The following DLGAP2 variants were observed in gnomAD, a reference collection of about 807,000 sequenced individuals.
DLGAP2 encodes the protein disks large-associated protein 2.
Under a neutral mutation model 100.3 loss-of-function variants are expected in DLGAP2, and 26 were observed. The observed-to-expected ratio is 0.26, with a 90% confidence interval of 0.19 to 0.36. The LOEUF is 0.36. Ranked by LOEUF, DLGAP2 falls within the 10% of genes least tolerant of loss-of-function variation. The pLI is 1.00. For missense variants in DLGAP2, 1,858 were observed against 1,453.2 expected (o/e 1.28, Z -4.53); for synonymous variants, 886 against 630.1 (o/e 1.41, Z -6.08).
chr8:1,556,837 G>A (rs1449156662), intron 5 of DLGAP2, among the ~76,000 whole-genome samples: 2 of 152,208 alleles, frequency 1.3e-5, no homozygotes, highest in African/African-American at 4.8e-5. Context: ...TTGTTGTAGG[G>A]ACACCAGGGT....
chr8:1,237,005 T>G (rs1278250887), intron 2 of DLGAP2, among the ~76,000 whole-genome samples: 1 of 149,896 alleles, frequency 6.7e-6, no homozygotes, highest in Non-Finnish European at 1.5e-5. Flanking sequence ...CATAGCGTCA[T>G]GTCTAGTTCT....
intron 1 of DLGAP2, among the ~76,000 whole-genome samples, chr8:887,340 GTC>G (rs1219524137): frequency 6.6e-6 from 1 of 152,126 alleles, no homozygotes; most frequent in African/African-American, 2.4e-5. Context: ...GCCAGTCTGT[GTC>G]TGTTAATTGG....
intron 2 of DLGAP2, among the ~76,000 whole-genome samples, chr8:1,193,034 G>GCA (rs1797673328): frequency 6.6e-6 from 1 of 152,072 alleles, no homozygotes; most frequent in Non-Finnish European, 1.5e-5. Flanking sequence ...AGTATTCCAT[G>GCA]GTGTATATGT....
chr8:1,431,549 G>A (rs7839262), intron 3 of DLGAP2, among the ~76,000 whole-genome samples: 32,351 of 152,184 alleles, frequency 0.21, 3,853 homozygotes, highest in Middle Eastern at 0.29. Flanking sequence ...CTCAGCAGCC[G>A]TTCATGCACG....
chr8:837,201 G>T (rs189319298), intron 1 of DLGAP2, among the ~76,000 whole-genome samples: 1 of 152,294 alleles, frequency 6.6e-6, no homozygotes, highest in African/African-American at 2.4e-5. Context: ...TCGGGATCTC[G>T]CGGGCCGTGT....
chr8:1,632,838 G>A lies in DLGAP2; in HGVS notation c.1602G>A (p.Ala534=), dbSNP rs527705861. 10 of 1,609,760 alleles carry A rather than the reference G, an allele frequency of 6.2e-6. No homozygotes were observed. Among genetic ancestry groups the A allele is most frequent in the African/African-American group, 2.7e-5 (2 of 74,886 alleles). ...GTTGATGATTGCAGGTGAGCGAGGC[G>A]GAGATCAATGGGCAATTCGAGTCCG... is the stretch of plus-strand genomic sequence containing the variant. The part of the protein sequence containing the change: ...QASCVSQVSE[A]EINGQFESVC... Residue 534 remains alanine (A), a synonymous_variant, in exon 8 of 15, where the codon GCG becomes GCA. Transcript: ENST00000637795.
intron 3 of DLGAP2, among the ~76,000 whole-genome samples, chr8:1,292,105 A>G (rs12114153): frequency 0.67 from 102,446 of 152,094 alleles, 35,278 homozygotes; most frequent in African/African-American, 0.81. Flanking sequence ...TGTGTCAGCT[A>G]AGCCTGTGTT....
chr8:1,328,063 A>G (rs1801062732), intron 3 of DLGAP2, among the ~76,000 whole-genome samples: 1 of 151,810 alleles, frequency 6.6e-6, no homozygotes, highest in Admixed American at 6.6e-5. Flanking sequence ...TTTTGGAGAC[A>G]GAGTCTCACT....
chr8:1,144,723 C>A (rs1010314976), intron 2 of DLGAP2, among the ~76,000 whole-genome samples: 8 of 152,264 alleles, frequency 5.3e-5, no homozygotes, highest in African/African-American at 1.4e-4. Flanking sequence ...GTAGCCCATG[C>A]TCTAGGGTCC....
At chr8:1,093,578 C>T (rs552286765) in intron 2 of DLGAP2, among the ~76,000 whole-genome samples, 86 of 151,964 alleles carry the variant, frequency 5.7e-4, no homozygotes, top group Admixed American at 7.9e-4. Flanking sequence ...GACAGCCAGA[C>T]AGAAACACCT....
In DLGAP2 at chr8:1,417,167, G is replaced by GGCGGGGGAGA. The variant is rs150473822; in HGVS notation, c.107-84199_107-84198insGCGGGGGAGA. Among the ~76,000 whole-genome samples, 21 of 85,520 alleles carry GGCGGGGGAGA rather than the reference G, an allele frequency of 2.5e-4. 4 individuals carry two copies. The highest frequency in any genetic ancestry group is 1.2e-3 in the African/African-American group (21 of 16,944). The allele number at this position is 85,520 out of a possible 152,430, so 56.1% of individuals were successfully genotyped here. ...GGGGGAGACTCTGAGTGAAGGGGAA[G>GGCGGGGGAGA]CCCCCGTTCATTTAGTGTCTGAGGC... On this transcript the variant is annotated intron_variant, in intron 3 of 14. Coordinates refer to ENST00000637795, the MANE Select transcript of DLGAP2 (RefSeq NM_001346810.2).
At chr8:1,293,592 T>A (rs182612065) in intron 3 of DLGAP2, among the ~76,000 whole-genome samples, 75 of 152,308 alleles carry the variant, frequency 4.9e-4, no homozygotes, top group South Asian at 4.8e-3. Flanking sequence ...TGCTAAAATT[T>A]ATTTGTCACA....
At chr8:954,948 G>C (rs955944360) in intron 2 of DLGAP2, among the ~76,000 whole-genome samples, 1 of 152,134 alleles carries the variant, frequency 6.6e-6, no homozygotes, top group Admixed American at 6.5e-5. Flanking sequence ...ATGGTCATCA[G>C]TTGTTCCCTA....
chr8:1,556,078 G>A (rs1801956274), intron 5 of DLGAP2, among the ~76,000 whole-genome samples: 1 of 152,234 alleles, frequency 6.6e-6, no homozygotes, highest in South Asian at 2.1e-4. Flanking sequence ...ACCTCATGGT[G>A]ACTGGGTGCA....
chr8:1,170,475 A>T (rs372738332), intron 2 of DLGAP2, among the ~76,000 whole-genome samples: 3,073 of 151,492 alleles, frequency 0.02, 121 homozygotes, highest in African/African-American at 0.073. Flanking sequence ...TTCATCCTTG[A>T]ACCTCTGGTA....
chr8:1,071,354 C>A (rs1329198638), intron 2 of DLGAP2, among the ~76,000 whole-genome samples: 1 of 152,208 alleles, frequency 6.6e-6, no homozygotes, highest in Non-Finnish European at 1.5e-5. Context: ...GCTTGACTTT[C>A]AAGGGTGGCT....
chr8:1,558,610 G>GCA (rs1404542564), intron 5 of DLGAP2, among the ~76,000 whole-genome samples: 1 of 149,270 alleles, frequency 6.7e-6, no homozygotes, highest in South Asian at 2.1e-4. Flanking sequence ...CCATATGCCT[G>GCA]CACACACACA....
chr8:985,187 G>A (rs1302941023), intron 2 of DLGAP2, among the ~76,000 whole-genome samples: 7 of 152,294 alleles, frequency 4.6e-5, no homozygotes, highest in South Asian at 4.1e-4. Flanking sequence ...CTGATCCAGA[G>A]GAAAGAGAAA....
chr8:1,670,484 C>T (rs1798663251), intron 10 of DLGAP2, among the ~76,000 whole-genome samples: 3 of 152,226 alleles, frequency 2.0e-5, no homozygotes. Flanking sequence ...TGGACCCCAG[C>T]CCCACACACT....
Sources: gnomAD v4.1 joint callset for allele counts (sites outside exome capture counted in the v4.1 genomes callset) on GRCh38, gnomAD v4.1.1 for gene constraint, MANE v1.5 for transcripts, NCBI Gene and HGNC (gene_info 2026-07-23, HGNC 2026-07-21) for gene names.